Variants in MCC observed in about 807,000 individuals in gnomAD.
The protein encoded by MCC is colorectal mutant cancer protein.
A neutral mutation model predicts 116.2 loss-of-function variants in MCC; 90 were observed. The ratio of observed to expected loss-of-function variants is 0.77; its 90% CI spans 0.65 to 0.92. The LOEUF (loss-of-function observed/expected upper bound fraction) is 0.92, where lower values mean the gene tolerates loss of function less well. Among genes scored for constraint, MCC ranks in the 40% least tolerant of loss-of-function variants. The pLI, the probability that MCC is intolerant of heterozygous loss-of-function variation, is 0.00. For synonymous variants in MCC, 578 were observed against 510.5 expected (o/e 1.13, Z -1.78); for missense variants, 1,516 against 1,312.2 (o/e 1.16, Z -2.40).
At chr5:113,102,737 G>A (rs1756497481) in intron 7 of MCC, among the ~76,000 whole-genome samples, 1 of 152,210 alleles carries the variant, frequency 6.6e-6, no homozygotes, top group African/African-American at 2.4e-5. Context: ...ACTGTCCTTT[G>A]AAAAAGGAAG....
chr5:113,466,448 C>A (rs561027616), intron 1 of MCC, among the ~76,000 whole-genome samples: 1 of 150,452 alleles, frequency 6.6e-6, no homozygotes, highest in Non-Finnish European at 1.5e-5. Flanking sequence ...GTTTTTTGTC[C>A]TTGCCATAGT....
chr5:113,099,678 T>C (rs1554118630), intron 8 of MCC, among the ~76,000 whole-genome samples: 1 of 152,248 alleles, frequency 6.6e-6, no homozygotes, highest in Non-Finnish European at 1.5e-5. Context: ...CCAGGCAATC[T>C]GGCTCCAGAG....
At chr5:113,483,940 A>G (rs1347349823) in intron 1 of MCC, among the ~76,000 whole-genome samples, 1 of 152,214 alleles carries the variant, frequency 6.6e-6, no homozygotes, top group African/African-American at 2.4e-5. Flanking sequence ...AACTAACACA[A>G]GAACAGAAAA....
intron 3 of MCC, among the ~76,000 whole-genome samples, chr5:113,291,553 C>T (rs1490421686): frequency 2.0e-5 from 3 of 152,116 alleles, no homozygotes; most frequent in African/African-American, 7.2e-5. Flanking sequence ...CAGAGTTCTT[C>T]CTACCCCTGA....
At chr5:113,085,971 T>C (rs968514404) in intron 8 of MCC, among the ~76,000 whole-genome samples, 1 of 152,238 alleles carries the variant, frequency 6.6e-6, no homozygotes, top group Non-Finnish European at 1.5e-5. Flanking sequence ...ATTACCGGCA[T>C]GAGCCACTGT....
At chr5:113,046,710 AAG>A (rs1554107699) in intron 16 of MCC, among the ~76,000 whole-genome samples, 2 of 102,410 alleles carry the variant, frequency 2.0e-5, no homozygotes, top group Non-Finnish European at 1.9e-5. Context: ...AAAAAAAAAA[AAG>A]AGAGAGATTT....
intron 1 of MCC, chr5:113,433,864 T>C (rs1445487825): frequency 1.2e-6 from 2 of 1,614,024 alleles, no homozygotes; most frequent in Admixed American, 1.7e-5. Flanking sequence ...TCGGGTTTTG[T>C]CTCAGGCTGT....
Position 113,206,035 on chromosome 5 carries a change from C to T in MCC, c.628-54613G>A, listed in dbSNP as rs1762898126. On this transcript the variant is annotated intron_variant, in intron 3 of 18. Transcript: ENST00000408903. ...ACTGTGTGCTGGCATCTGCAGTGAG[C>T]AGTGACAGCTACACCACTGGACAAC... Among the ~76,000 whole-genome samples, 2 of 152,220 alleles carry T rather than the reference C, an allele frequency of 1.3e-5. 1 individual carries two copies. The highest frequency in any genetic ancestry group is 4.1e-4 in the South Asian group (2 of 4,830).
At chr5:113,158,338 G>A (rs1230634990) in intron 3 of MCC, among the ~76,000 whole-genome samples, 2 of 152,146 alleles carry the variant, frequency 1.3e-5, no homozygotes, top group African/African-American at 4.8e-5. Context: ...ACAATGGGTA[G>A]TGCCAACTTC....
chr5:113,318,551 G>A (rs763348362), intron 3 of MCC, among the ~76,000 whole-genome samples: 8 of 152,154 alleles, frequency 5.3e-5, no homozygotes, highest in Non-Finnish European at 1.0e-4. Context: ...GGAGCTGGAG[G>A]CCATTACCCT....
chr5:113,280,412 G>A (rs1354618690), intron 3 of MCC, among the ~76,000 whole-genome samples: 1 of 152,102 alleles, frequency 6.6e-6, no homozygotes, highest in Admixed American at 6.6e-5. Flanking sequence ...CAACAATGTA[G>A]GGTATGTTCT....
intron 11 of MCC, among the ~76,000 whole-genome samples, chr5:113,082,067 T>C (rs1239479112): frequency 6.6e-6 from 1 of 152,248 alleles, no homozygotes; most frequent in African/African-American, 2.4e-5. Flanking sequence ...GTGGTTTCCA[T>C]GGTTTTGCCC....
At chr5:113,301,344 A>G (rs1766856812) in intron 3 of MCC, among the ~76,000 whole-genome samples, 1 of 152,180 alleles carries the variant, frequency 6.6e-6, no homozygotes, top group Non-Finnish European at 1.5e-5. Flanking sequence ...GCATGCCTGT[A>G]ATCCCAGCTA....
chr5:113,381,738 T>C (rs1388515092), intron 2 of MCC, among the ~76,000 whole-genome samples: 2 of 152,078 alleles, frequency 1.3e-5, no homozygotes, highest in East Asian at 3.9e-4. Context: ...TAGTGAGCCA[T>C]GATTGCACCA....
In MCC at chr5:113,340,666, C is replaced by G. The variant is rs750971273; in HGVS notation, c.480G>C (p.Pro160=). The change falls in exon 3 of 19, where the codon CCG becomes CCC. Residue 160 remains proline (P), a synonymous_variant. Transcript: ENST00000408903. The part of the protein sequence containing the change: ...YDSGARDLQS[P]DVQSQSALQK... ...GGAGGGCTGACTGGCTCTGCACATC[C>G]GGGCTCTGGAGGTCCCTGGCACCAG... The G allele has an allele frequency of 6.2e-7, 1 of 1,614,090 alleles. No homozygotes were observed. The highest frequency in any genetic ancestry group is 8.5e-7 in the Non-Finnish European group (1 of 1,180,016).
intron 16 of MCC, among the ~76,000 whole-genome samples, chr5:113,044,207 T>C (rs941055379): frequency 6.6e-6 from 1 of 152,224 alleles, no homozygotes; most frequent in Non-Finnish European, 1.5e-5. Flanking sequence ...TTAGGAGCCT[T>C]GCTGGGTTCA....
intron 3 of MCC, among the ~76,000 whole-genome samples, chr5:113,285,461 G>A (rs1340510690): frequency 6.6e-6 from 1 of 151,428 alleles, no homozygotes; most frequent in Non-Finnish European, 1.5e-5. Flanking sequence ...AGCCCTAGGT[G>A]ATCTGGCCAG....
At chr5:113,079,396 G>C (rs570886386) in intron 11 of MCC, among the ~76,000 whole-genome samples, 3 of 152,298 alleles carry the variant, frequency 2.0e-5, no homozygotes, top group Non-Finnish European at 4.4e-5. Flanking sequence ...CATGCTACCT[G>C]ACTTCAAACT....
Position 113,386,128 on chromosome 5 carries a change from G to A in MCC, c.171-916C>T, listed in dbSNP as rs192510403. 6.6e-5 allele frequency among the ~76,000 whole-genome samples: 10 copies of A among 152,176 alleles called. No individual in the cohort carries two copies. The East Asian group carries it at 1.2e-3, about 18-fold the overall frequency. ...ATATTTTGCTCATATTCCTCCAACT[G>A]CAGGTTTCAACAAAGGTCAAAGGAC... On this transcript the variant is annotated intron_variant, in intron 1 of 18. Coordinates refer to ENST00000408903, the MANE Select transcript of MCC (RefSeq NM_001085377.2).
Sources: allele counts gnomAD v4.1 joint callset (sites outside exome capture counted in the v4.1 genomes callset), GRCh38; gene constraint gnomAD v4.1.1; transcripts MANE v1.5; gene names NCBI Gene and HGNC (gene_info 2026-07-23, HGNC 2026-07-21).